ATF2: variants seen among roughly 807,000 people sequenced by gnomAD.
The protein encoded by ATF2 is cyclic AMP-dependent transcription factor ATF-2.
Under a neutral mutation model 60.6 loss-of-function variants are expected in ATF2, and 24 were observed. The ratio of observed to expected loss-of-function variants is 0.40; its 90% confidence interval spans 0.29 to 0.56. The LOEUF is 0.56. ATF2 is among the 20% of genes least tolerant of loss of function. ATF2 has a pLI of 0.54. For missense variants in ATF2, 433 were observed against 607.7 expected (o/e 0.71, Z 3.02); for synonymous variants, 206 against 215.4 (o/e 0.96, Z 0.38).
intron 5 of ATF2, among the ~76,000 whole-genome samples, chr2:175,120,861 G>T (rs1470131638): frequency 1.3e-5 from 2 of 151,684 alleles, no homozygotes; most frequent in Non-Finnish European, 3.0e-5. Flanking sequence ...TGTATGAACT[G>T]GGTTTTTCTT....
At chr2:175,145,470 C>T (rs556754755) in intron 2 of ATF2, among the ~76,000 whole-genome samples, 1 of 152,288 alleles carries the variant, frequency 6.6e-6, no homozygotes, top group African/African-American at 2.4e-5. Context: ...GTAAATGCTC[C>T]TTGAGGCTTC....
Position 175,072,782 on chromosome 2 carries a change from A to T in ATF2, c.*1827T>A, listed in dbSNP as rs1258571387. On this transcript the variant is annotated 3_prime_UTR_variant, in exon 14 of 14. Transcript: ENST00000264110. ...AAAATAATGAAATTAGTTAAAAATT[A>T]AAAATTTAAAAAAAATTATCAAATA... 6.6e-6 allele frequency: 1 copy of T among 152,182 alleles called. No homozygotes were observed. The highest frequency in any genetic ancestry group is 2.4e-5 in the African/African-American group (1 of 41,464). 9.4% of individuals were successfully genotyped at this position (152,182 alleles called of 1,614,324 possible).
At chr2:175,160,216 C>G (rs1446331312) in intron 1 of ATF2, among the ~76,000 whole-genome samples, 1 of 152,114 alleles carries the variant, frequency 6.6e-6, no homozygotes, top group African/African-American at 2.4e-5. Context: ...GAGACTCCAT[C>G]TCTACAAAAA....
chr2:175,154,122 G>C (rs894544762), intron 1 of ATF2, among the ~76,000 whole-genome samples: 4 of 151,212 alleles, frequency 2.6e-5, no homozygotes, highest in African/African-American at 9.7e-5. Context: ...GCTGAGGCAG[G>C]AGAATCGCTT....
intron 12 of ATF2, among the ~76,000 whole-genome samples, chr2:175,085,665 T>A (rs1404286922): frequency 6.6e-6 from 1 of 151,682 alleles, no homozygotes; most frequent in Non-Finnish European, 1.5e-5. Context: ...ATTTCAAACT[T>A]AACGGTTGGT....
At chr2:175,126,904 A>C (rs912763480) in intron 4 of ATF2, 4 of 152,186 alleles carry the variant, frequency 2.6e-5, no homozygotes, top group African/African-American at 9.7e-5. Flanking sequence ...GAGTAATACT[A>C]TCTCTCATTC....
At chr2:175,150,839 T>C (rs187526306) in intron 2 of ATF2, among the ~76,000 whole-genome samples, 87 of 152,246 alleles carry the variant, frequency 5.7e-4, no homozygotes, top group African/African-American at 2.0e-3. Context: ...TTAACCTAAG[T>C]CCTCATTGTG....
intron 7 of ATF2, among the ~76,000 whole-genome samples, chr2:175,115,589 C>G (rs1696497437): frequency 6.6e-6 from 1 of 152,078 alleles, no homozygotes; most frequent in Non-Finnish European, 1.5e-5. Context: ...AAAATTGGGT[C>G]TATGGTGTTT....
At position 175,121,514 on chromosome 2, in the gene ATF2, A is replaced by G. The variant is rs781015514; in HGVS notation, c.129T>C (p.Ala43=). 3 of 1,603,286 alleles carry G rather than the reference A, an allele frequency of 1.9e-6. No homozygotes were observed. The African/African-American group carries it at 4.0e-5, about 22-fold the overall frequency. The part of the protein sequence containing the change: ...GQRFTNEDHL[A]VHKHKHEMTL... ...TCATCTCATGTTTATGTTTATGGAC[A>G]GCCAAATGATCCTCGTTGGTAAAAC... Residue 43 remains alanine (A), a synonymous_variant, in exon 5 of 14, where the codon GCT becomes GCC. Transcript: ENST00000264110.
At chr2:175,108,291 G>T (rs1307215241) in intron 10 of ATF2, among the ~76,000 whole-genome samples, 3 of 151,862 alleles carry the variant, frequency 2.0e-5, no homozygotes, top group Non-Finnish European at 2.9e-5. Flanking sequence ...GAGCGTCTCC[G>T]TCCGGCAGCC....
intron 10 of ATF2, among the ~76,000 whole-genome samples, chr2:175,110,412 G>A (rs986418427): frequency 6.6e-6 from 1 of 152,056 alleles, no homozygotes; most frequent in Non-Finnish European, 1.5e-5. Flanking sequence ...ATAGTGCCTA[G>A]CAAATAACTG....
chr2:175,092,819 A>G (rs1483207444), intron 12 of ATF2, among the ~76,000 whole-genome samples: 1 of 152,236 alleles, frequency 6.6e-6, no homozygotes, highest in Admixed American at 6.5e-5. Context: ...CGGATAGTTT[A>G]GCTACTTTTG....
intron 5 of ATF2, among the ~76,000 whole-genome samples, chr2:175,120,026 A>G (rs1696845553): frequency 6.6e-6 from 1 of 151,488 alleles, no homozygotes; most frequent in Non-Finnish European, 1.5e-5. Context: ...TCATCTCAAC[A>G]TGTTAGTGAA....
In ATF2 at chr2:175,110,101, C is replaced by T. The variant is rs1696066010; in HGVS notation, c.828+1467G>A. Among the ~76,000 whole-genome samples, 4 of 152,064 alleles carry T rather than the reference C, an allele frequency of 2.6e-5. No individual in the cohort carries two copies. In the South Asian group the frequency reaches 8.3e-4, roughly 32 times the overall value. On this transcript the variant is annotated intron_variant, in intron 10 of 13. Transcript: ENST00000264110. ...CCTGTAATCCCAACACTTTGGGAGG[C>T]TGGGGAGGGGGGATCACGAGGTCAG...
intron 2 of ATF2, among the ~76,000 whole-genome samples, chr2:175,141,391 C>A (rs759822639): frequency 6.6e-6 from 1 of 152,008 alleles, no homozygotes. Context: ...GGCACTTTAT[C>A]CAAATTAAAT....
intron 12 of ATF2, among the ~76,000 whole-genome samples, chr2:175,087,508 G>A (rs1378541646): frequency 3.3e-5 from 5 of 152,052 alleles, no homozygotes; most frequent in Admixed American, 1.3e-4. Context: ...ATCATCACAC[G>A]ATAGCCAACT....
chr2:175,158,882 GTATT>G (rs879300806), intron 1 of ATF2, among the ~76,000 whole-genome samples: 6 of 151,980 alleles, frequency 3.9e-5, no homozygotes, highest in African/African-American at 1.5e-4. Context: ...CACTAAAATA[GTATT>G]TATTAAGTTC....
chr2:175,167,840 A>C (rs1211190796), intron 1 of ATF2: 2 of 415,522 alleles, frequency 4.8e-6, no homozygotes, highest in Non-Finnish European at 1.0e-5. Flanking sequence ...CGGCCCAGCC[A>C]GTCAGGTTCC....
At chr2:175,116,944 G>T (rs1468477183) in intron 7 of ATF2, among the ~76,000 whole-genome samples, 1 of 151,980 alleles carries the variant, frequency 6.6e-6, no homozygotes, top group Admixed American at 6.6e-5. Context: ...TCATTAAAAA[G>T]TATGATTTGG....
Sources: gnomAD v4.1 joint callset for allele counts (sites outside exome capture counted in the v4.1 genomes callset) on GRCh38, gnomAD v4.1.1 for gene constraint, MANE v1.5 for transcripts, NCBI Gene and HGNC (gene_info 2026-07-23, HGNC 2026-07-21) for gene names.